ZNF710: variants seen among roughly 807,000 people sequenced by gnomAD.
ZNF710 encodes the protein zinc finger protein 710.
ZNF710 carries 13 observed loss-of-function variants against 50.6 expected under a neutral mutation model. That is an observed-to-expected ratio of 0.26 (90% CI 0.17 to 0.41). The LOEUF (loss-of-function observed/expected upper bound fraction) is 0.41. ZNF710 is among the 10% of genes least tolerant of loss of function. The pLI, the probability that ZNF710 is intolerant of heterozygous loss-of-function variation, is 1.00. For synonymous variants in ZNF710, 383 were observed against 397.0 expected, an observed-to-expected ratio of 0.96 and a Z score of 0.42; for missense variants, 721 against 936.6, an observed-to-expected ratio of 0.77 and a Z score of 3.01.
At chr15:90,069,126 G>A (rs891918915) in intron 2 of ZNF710, among the ~76,000 whole-genome samples, 2 of 151,636 alleles carry the variant, frequency 1.3e-5, no homozygotes, top group Admixed American at 6.6e-5. Context: ...TACTTGGGAG[G>A]CTGAGGCAAG....
chr15:90,063,690 G>A (rs1402437563), intron 1 of ZNF710, among the ~76,000 whole-genome samples: 2 of 152,084 alleles, frequency 1.3e-5, no homozygotes, highest in African/African-American at 2.4e-5. Flanking sequence ...CGGTGTGGAC[G>A]GTCAGCTCCA....
rs150871774 is a variant in ZNF710, at chr15:90,080,100, C to T, written c.*271C>T. On this transcript the variant is annotated 3_prime_UTR_variant, in exon 5 of 5. Coordinates refer to ENST00000268154, the MANE Select transcript of ZNF710 (RefSeq NM_198526.4). ...GATCTGGGTCTCCCTGGCCTGCTTC[C>T]GTGGGGAGTGGGAGAAGTGGGGCCA... 1,296 of 329,690 alleles carry T rather than the reference C, an allele frequency of 3.9e-3. 14 individuals carry two copies. Among genetic ancestry groups the T allele is most frequent in the Non-Finnish European group, 4.1e-3 (756 of 182,618 alleles). 20.4% of individuals were successfully genotyped at this position (329,690 alleles called of 1,614,324 possible).
intron 1 of ZNF710, among the ~76,000 whole-genome samples, chr15:90,045,058 C>T (rs1003404147): frequency 6.6e-6 from 1 of 152,200 alleles, no homozygotes; most frequent in Non-Finnish European, 1.5e-5. Context: ...TCAGGTGTCA[C>T]CTCCCCCTTT....
chr15:90,053,821 TC>T (rs1899723263), intron 1 of ZNF710, among the ~76,000 whole-genome samples: 1 of 151,986 alleles, frequency 6.6e-6, no homozygotes, highest in Admixed American at 6.6e-5. Context: ...AACACACACT[TC>T]CCACCCGTGT....
chr15:90,014,273 T>G (rs939674063), intron 1 of ZNF710, among the ~76,000 whole-genome samples: 8 of 152,000 alleles, frequency 5.3e-5, no homozygotes, highest in African/African-American at 1.9e-4. Flanking sequence ...ACTCACAAAT[T>G]GAATGAAGGG....
chr15:90,010,058 C>T (rs1898257798), intron 1 of ZNF710, among the ~76,000 whole-genome samples: 1 of 151,996 alleles, frequency 6.6e-6, no homozygotes, highest in Non-Finnish European at 1.5e-5. Flanking sequence ...TTTTTTGTAC[C>T]ATTCTTTCCT....
intron 1 of ZNF710, among the ~76,000 whole-genome samples, chr15:90,049,391 C>T (rs978573953): frequency 2.6e-5 from 4 of 152,216 alleles, no homozygotes; most frequent in South Asian, 4.1e-4. Context: ...CACAGTCAGT[C>T]GCACCGCAGG....
chr15:90,019,187 CTT>C (rs11285838), intron 1 of ZNF710, among the ~76,000 whole-genome samples: 1,816 of 89,318 alleles, frequency 0.02, 4 homozygotes, highest in African/African-American at 0.035. Flanking sequence ...CTTTTTCTTT[CTT>C]TTTTTTTTTT....
intron 4 of ZNF710, among the ~76,000 whole-genome samples, chr15:90,079,226 G>A (rs543352931): frequency 6.6e-6 from 1 of 152,240 alleles, no homozygotes; most frequent in Non-Finnish European, 1.5e-5. Flanking sequence ...TGCTGGATGA[G>A]GCGAGGCCTG....
chr15:90,047,459 C>T lies in ZNF710; in HGVS notation c.-28-19651C>T, dbSNP rs539849298. Among the ~76,000 whole-genome samples, 39 of 152,304 alleles carry T rather than the reference C, an allele frequency of 2.6e-4. No homozygotes were observed. In the South Asian group the frequency reaches 6.0e-3, roughly 23 times the overall value. On this transcript the variant is annotated intron_variant, in intron 1 of 4. Transcript: ENST00000268154. Reference sequence around the variant, plus strand: ...TCAACTCTAGAGTCTGGATCTAAACCGGTGCTTCAAAACCTGGTGGGGTTT... The same window carrying T: ...TCAACTCTAGAGTCTGGATCTAAACTGGTGCTTCAAAACCTGGTGGGGTTT...
At chr15:90,001,735 C>A (rs2151452041) in intron 1 of ZNF710, 121 bp downstream of exon 1, 1 of 144,614 alleles carries the variant, frequency 6.9e-6, no homozygotes, top group African/African-American at 2.5e-5. Context: ...CCGACCCGCC[C>A]CCCGCCTCTC....
intron 1 of ZNF710, among the ~76,000 whole-genome samples, chr15:90,053,577 T>C (rs1053827113): frequency 3.9e-5 from 6 of 152,148 alleles, no homozygotes; most frequent in African/African-American, 1.4e-4. Context: ...TGAGCTCAAA[T>C]GATCCTCCCT....
intron 2 of ZNF710, among the ~76,000 whole-genome samples, chr15:90,070,976 T>C (rs1015738399): frequency 1.3e-5 from 2 of 152,160 alleles, no homozygotes; most frequent in Non-Finnish European, 2.9e-5. Flanking sequence ...AAATCCCAAG[T>C]CCAGGGCCTG....
At chr15:90,001,946 G>C (rs1898022664) in intron 1 of ZNF710, among the ~76,000 whole-genome samples, 1 of 143,888 alleles carries the variant, frequency 6.9e-6, no homozygotes, top group South Asian at 2.2e-4. Flanking sequence ...AAGAGGGCGA[G>C]AGGGAGGAGA....
intron 1 of ZNF710, among the ~76,000 whole-genome samples, chr15:90,047,052 TAC>T (rs775192441): frequency 2.1e-4 from 32 of 152,162 alleles, no homozygotes; most frequent in Non-Finnish European, 4.0e-4. Context: ...AACGTCTCCT[TAC>T]GCCCATGAAG....
chr15:90,053,804 C>T (rs950468103), intron 1 of ZNF710, among the ~76,000 whole-genome samples: 2 of 151,984 alleles, frequency 1.3e-5, no homozygotes, highest in African/African-American at 2.4e-5. Flanking sequence ...TCCCAGGGAG[C>T]CCCCCCAACA....
At chr15:90,036,422 T>C (rs1292533688) in intron 1 of ZNF710, among the ~76,000 whole-genome samples, 1 of 152,170 alleles carries the variant, frequency 6.6e-6, no homozygotes, top group Non-Finnish European at 1.5e-5. Context: ...CTGAAGTGGC[T>C]GGAGCCAGCG....
In ZNF710 at chr15:90,027,827, T is replaced by C. The variant is rs116470819; in HGVS notation, c.-29+26213T>C. On this transcript the variant is annotated intron_variant, in intron 1 of 4. Transcript: ENST00000268154. The stretch of plus-strand genomic sequence containing the variant: ...TGCCACTGTACTCTAGCCTTGGTGA[T>C]GGAGTGAGACACTGTCTCGAAAAAA... Among the ~76,000 whole-genome samples, 1,387 of 144,284 alleles carry C rather than the reference T, an allele frequency of 9.6e-3. 19 individuals are homozygous for C. The highest frequency in any genetic ancestry group is 0.034 in the African/African-American group (1,318 of 38,306). The allele number at this position is 144,284 out of a possible 152,430, so 94.7% of individuals were successfully genotyped here.
chr15:90,046,144 G>A (rs1429128461), intron 1 of ZNF710, among the ~76,000 whole-genome samples: 1 of 152,174 alleles, frequency 6.6e-6, no homozygotes, highest in Non-Finnish European at 1.5e-5. Flanking sequence ...AGATGTCAGT[G>A]GCCTGGGCTA....
Sources: gnomAD v4.1 joint callset for allele counts (sites outside exome capture counted in the v4.1 genomes callset) on GRCh38, gnomAD v4.1.1 for gene constraint, MANE v1.5 for transcripts, NCBI Gene and HGNC (gene_info 2026-07-23, HGNC 2026-07-21) for gene names.